CTNNA2: variants seen among roughly 807,000 people sequenced by gnomAD.
The protein encoded by CTNNA2 is catenin alpha 2, also known as catenin alpha-2.
Under a neutral mutation model 101.0 loss-of-function variants are expected in CTNNA2, and 42 were observed. The observed-to-expected ratio is 0.42, with a 90% CI of 0.32 to 0.54. CTNNA2 has a LOEUF of 0.54. Ranked by LOEUF, CTNNA2 falls within the 20% of genes least tolerant of loss-of-function variation. The pLI, the probability that CTNNA2 is intolerant of heterozygous loss-of-function variation, is 0.14. For synonymous variants in CTNNA2, 450 were observed against 456.4 expected, an observed-to-expected ratio of 0.99 and a Z score of 0.18; for missense variants, 871 against 1,223.1, an observed-to-expected ratio of 0.71 and a Z score of 4.29.
chr2:79,543,079 G>C (rs1455561883), intron 1 of CTNNA2, among the ~76,000 whole-genome samples: 1 of 151,940 alleles, frequency 6.6e-6, no homozygotes, highest in African/African-American at 2.4e-5. Flanking sequence ...ATAAACTTTA[G>C]CTTACAGTGT....
intron 2 of CTNNA2, among the ~76,000 whole-genome samples, chr2:79,674,470 T>C (rs1273824213): frequency 6.6e-6 from 1 of 152,106 alleles, no homozygotes; most frequent in African/African-American, 2.4e-5. Flanking sequence ...TTCAAATAAT[T>C]CACAGGATAG....
At chr2:80,455,492 C>T (rs1002116034) in intron 9 of CTNNA2, among the ~76,000 whole-genome samples, 1 of 152,128 alleles carries the variant, frequency 6.6e-6, no homozygotes, top group African/African-American at 2.4e-5. Context: ...GTGAGACTGA[C>T]ATTAGGGTCT....
chr2:80,228,905 A>G (rs1709043063), intron 7 of CTNNA2, among the ~76,000 whole-genome samples: 1 of 152,188 alleles, frequency 6.6e-6, no homozygotes, highest in African/African-American at 2.4e-5. Flanking sequence ...GCAAACATAA[A>G]CCCTGAGCTT....
intron 2 of CTNNA2, among the ~76,000 whole-genome samples, chr2:79,305,272 A>C (rs1676207769): frequency 6.6e-6 from 1 of 150,646 alleles, no homozygotes; most frequent in African/African-American, 2.4e-5. Context: ...GTATATATGC[A>C]TATATGTAGA....
intron 2 of CTNNA2, among the ~76,000 whole-genome samples, chr2:79,222,971 C>T (rs1674363990): frequency 6.6e-6 from 1 of 151,456 alleles, no homozygotes; most frequent in South Asian, 2.1e-4. Context: ...CATAGAGATA[C>T]CCTGTCTGTA....
At chr2:79,417,813 T>G (rs538876615) in intron 4 of CTNNA2, among the ~76,000 whole-genome samples, 101 of 152,268 alleles carry the variant, frequency 6.6e-4, no homozygotes, top group African/African-American at 2.1e-3. Context: ...TTACCCACCA[T>G]ATATATTTGT....
rs536579765 is a variant in CTNNA2, at chr2:79,943,563, G to T, written c.1056+33766G>T. ...AGACTTCTTATCCCCATTCCAGACA[G>T]GAAAAGCAAGAGGACACTTGCCAGC... On this transcript the variant is annotated intron_variant, in intron 7 of 18. Transcript: ENST00000402739. 2.6e-5 allele frequency among the ~76,000 whole-genome samples: 4 copies of T among 152,198 alleles called. No individual in the cohort carries two copies. In the South Asian group the frequency reaches 6.2e-4, roughly 24 times the overall value.
intron 1 of CTNNA2, among the ~76,000 whole-genome samples, chr2:79,631,161 C>T (rs542738337): frequency 2.6e-5 from 4 of 152,182 alleles, no homozygotes; most frequent in Admixed American, 6.5e-5. Context: ...TAGAGGCTTT[C>T]CTTTCCTCTG....
rs923814236 is a variant in CTNNA2, at chr2:79,958,074, G to A, written c.1056+48277G>A. On this transcript the variant is annotated intron_variant, in intron 7 of 18. Transcript: ENST00000402739. ...TCCTCCATTGTAGTCATTCTGTTGC[G>A]CACATCCCAGTTCCAGATCATTTCC... Among the ~76,000 whole-genome samples, 10 of 152,048 alleles carry A rather than the reference G, an allele frequency of 6.6e-5. No individual in the cohort carries two copies. The East Asian group carries it at 1.3e-3, about 21-fold the overall frequency.
chr2:79,314,298 T>TAGA (rs1426768316), intron 3 of CTNNA2, among the ~76,000 whole-genome samples: 1 of 152,148 alleles, frequency 6.6e-6, no homozygotes, highest in Non-Finnish European at 1.5e-5. Flanking sequence ...AGGTATCTCA[T>TAGA]AGAAGTGATA....
chr2:79,645,994 G>C lies in CTNNA2; in HGVS notation c.-5-5558G>C, dbSNP rs539956487. On this transcript the variant is annotated intron_variant, in intron 1 of 18. Transcript: ENST00000402739. ...GATGGCAGTAGTGCCCAGTATTGGT[G>C]AAGAAAAAAATTCATGAGGAGAATC... Among the ~76,000 whole-genome samples the C allele has an allele frequency of 2.6e-5, 4 of 152,244 alleles. No individual in the cohort carries two copies. The East Asian group carries it at 7.7e-4, about 29-fold the overall frequency.
chr2:79,474,229 A>G (rs1425439281), intron 4 of CTNNA2, among the ~76,000 whole-genome samples: 1 of 152,186 alleles, frequency 6.6e-6, no homozygotes, highest in Non-Finnish European at 1.5e-5. Flanking sequence ...GTAATCAGGG[A>G]AAAAAATGGA....
At chr2:80,076,808 A>G (rs1363854641) in intron 7 of CTNNA2, among the ~76,000 whole-genome samples, 1 of 152,106 alleles carries the variant, frequency 6.6e-6, no homozygotes, top group African/African-American at 2.4e-5. Context: ...TAAATAGGAG[A>G]TGCTTTAAAA....
chr2:80,208,300 A>G (rs1034115084), intron 7 of CTNNA2, among the ~76,000 whole-genome samples: 1 of 152,170 alleles, frequency 6.6e-6, no homozygotes, highest in Non-Finnish European at 1.5e-5. Context: ...CTAGTTGCCA[A>G]TTTGGTTATG....
At chr2:80,208,739 CCCAT>C (rs1488661860) in intron 7 of CTNNA2, among the ~76,000 whole-genome samples, 1 of 152,150 alleles carries the variant, frequency 6.6e-6, no homozygotes, top group Non-Finnish European at 1.5e-5. Flanking sequence ...AATATTTTAG[CCCAT>C]CCACAATGTT....
At chr2:80,465,216 C>T (rs1372908099) in intron 9 of CTNNA2, among the ~76,000 whole-genome samples, 1 of 152,138 alleles carries the variant, frequency 6.6e-6, no homozygotes, top group Non-Finnish European at 1.5e-5. Flanking sequence ...GCTCCAATTA[C>T]AGTGAAACAC....
At chr2:80,527,825 C>A (rs949687458) in intron 9 of CTNNA2, among the ~76,000 whole-genome samples, 1 of 152,106 alleles carries the variant, frequency 6.6e-6, no homozygotes, top group South Asian at 2.1e-4. Context: ...AATGAAATTT[C>A]AAATAGGGAG....
intron 2 of CTNNA2, among the ~76,000 whole-genome samples, chr2:79,740,119 T>A (rs112495870): frequency 0.09 from 13,623 of 152,196 alleles, 888 homozygotes; most frequent in African/African-American, 0.19. Context: ...CCCAGGTATT[T>A]AACCTAATGC....
At chr2:80,507,242 G>A (rs938390197) in intron 9 of CTNNA2, among the ~76,000 whole-genome samples, 4 of 152,116 alleles carry the variant, frequency 2.6e-5, no homozygotes, top group East Asian at 1.9e-4. Context: ...CTTAGCAAGC[G>A]ACGGATGTAT....
Sources: gnomAD v4.1 joint callset for allele counts (sites outside exome capture counted in the v4.1 genomes callset) on GRCh38, gnomAD v4.1.1 for gene constraint, MANE v1.5 for transcripts, NCBI Gene and HGNC (gene_info 2026-07-23, HGNC 2026-07-21) for gene names.